MBD5: variants seen among roughly 807,000 people sequenced by gnomAD.
The protein encoded by MBD5 is methyl-CpG binding domain protein 5.
A neutral mutation model predicts 117.3 loss-of-function variants in MBD5; 13 were observed. The observed-to-expected ratio is 0.11, with a 90% CI of 0.07 to 0.18. The LOEUF is 0.18. MBD5 is among the 10% of genes least tolerant of loss of function. MBD5 has a pLI of 1.00. For missense variants in MBD5, 1,879 were observed against 2,093.8 expected (o/e 0.90, Z 2.00); for synonymous variants, 727 against 766.4 (o/e 0.95, Z 0.85).
intron 3 of MBD5, among the ~76,000 whole-genome samples, chr2:148,327,985 C>G (rs10175024): frequency 0.27 from 40,962 of 150,052 alleles, 5,814 homozygotes; most frequent in African/African-American, 0.31. Flanking sequence ...TCTACTTTTG[C>G]TCTTTGATGA....
intron 2 of MBD5, among the ~76,000 whole-genome samples, chr2:148,217,877 T>C (rs1428483132): frequency 6.6e-6 from 1 of 152,124 alleles, no homozygotes; most frequent in Non-Finnish European, 1.5e-5. Context: ...ACCCTTCTTT[T>C]CAAGGGCCAG....
intron 1 of MBD5, among the ~76,000 whole-genome samples, chr2:148,123,072 C>T (rs542379958): frequency 3.1e-4 from 47 of 152,318 alleles, no homozygotes; most frequent in African/African-American, 9.9e-4. Flanking sequence ...AAGTGCTGCT[C>T]TTCCTATCTT....
At chr2:148,219,384 T>G (rs1699631210) in intron 2 of MBD5, among the ~76,000 whole-genome samples, 2 of 152,132 alleles carry the variant, frequency 1.3e-5, no homozygotes, top group South Asian at 4.1e-4. Context: ...TTAACTTTTT[T>G]TTTTAATAAG....
At chr2:148,233,995 C>G (rs1483058331) in intron 3 of MBD5, among the ~76,000 whole-genome samples, 2 of 152,104 alleles carry the variant, frequency 1.3e-5, no homozygotes, top group African/African-American at 4.8e-5. Flanking sequence ...CAAAGAGCAT[C>G]TGGGCAAGGA....
At chr2:148,470,593 T>A in intron 8 of MBD5, 132 bp downstream of exon 8, 1 of 745,176 alleles carries the variant, frequency 1.3e-6, no homozygotes, top group Non-Finnish European at 2.1e-6. Context: ...ATTTCTTTAG[T>A]ATTTATAATT....
intron 1 of MBD5, among the ~76,000 whole-genome samples, chr2:148,139,701 C>T (rs1421154946): frequency 6.6e-6 from 1 of 152,046 alleles, no homozygotes; most frequent in Non-Finnish European, 1.5e-5. Context: ...ACCTTTCTTC[C>T]CAGGATGACT....
At chr2:148,291,669 T>A (rs1416928187) in intron 3 of MBD5, among the ~76,000 whole-genome samples, 1 of 152,166 alleles carries the variant, frequency 6.6e-6, no homozygotes, top group African/African-American at 2.4e-5. Flanking sequence ...ATCAGTGTAA[T>A]GCCTATCAAA....
In MBD5 at chr2:148,366,139, G is replaced by A. The variant is rs548334419; in HGVS notation, c.-557+23803G>A. Among the ~76,000 whole-genome samples the A allele has an allele frequency of 5.9e-5, 9 of 152,168 alleles. No individual in the cohort carries two copies. The East Asian group carries it at 1.2e-3, about 20-fold the overall frequency. ...AAAGCTCATCCACCATGATCGAGTC[G>A]ACTTCATACCTGGGATGCAAGCCTG... On this transcript the variant is annotated intron_variant, in intron 4 of 13. Coordinates refer to ENST00000642680, the MANE Select transcript of MBD5 (RefSeq NM_001378120.1).
At chr2:148,203,052 C>T (rs1217054250) in intron 2 of MBD5, among the ~76,000 whole-genome samples, 3 of 149,470 alleles carry the variant, frequency 2.0e-5, no homozygotes, top group Admixed American at 6.7e-5. Context: ...TTGCACTGAG[C>T]CAAGATCGCG....
intron 4 of MBD5, among the ~76,000 whole-genome samples, chr2:148,365,550 G>T (rs181382117): frequency 3.9e-3 from 586 of 152,098 alleles, no homozygotes; most frequent in Non-Finnish European, 6.6e-3. Flanking sequence ...CTGATTTTTT[G>T]AAAAGATTAA....
At chr2:148,366,321 G>A (rs777427867) in intron 4 of MBD5, among the ~76,000 whole-genome samples, 147 of 61,540 alleles carry the variant, frequency 2.4e-3, no homozygotes, top group Non-Finnish European at 3.7e-3. Context: ...TTGATGGAAC[G>A]TATCTCAAAA....
At chr2:148,161,777 A>G (rs1002141108) in intron 1 of MBD5, among the ~76,000 whole-genome samples, 5 of 152,188 alleles carry the variant, frequency 3.3e-5, no homozygotes, top group African/African-American at 1.2e-4. Flanking sequence ...GTCTTCTAGT[A>G]TCCTGATACC....
intron 3 of MBD5, among the ~76,000 whole-genome samples, chr2:148,237,289 A>G (rs1574175917): frequency 6.6e-6 from 1 of 152,302 alleles, no homozygotes; most frequent in East Asian, 1.9e-4. Context: ...TGGGCGCAAG[A>G]TGCCTGGCTT....
intron 2 of MBD5, among the ~76,000 whole-genome samples, chr2:148,179,575 C>T (rs16828385): frequency 0.012 from 1,870 of 152,180 alleles, 45 homozygotes; most frequent in African/African-American, 0.043. Context: ...GAATACAAAC[C>T]TCTTTTCATT....
rs573024677 is a variant in MBD5 at position 148,336,557 on chromosome 2, T to C, written c.-679-5657T>C. ...ATGCACCACCACACGCGGCAAATTTTTGTATTTTTGGTAGAGATGGGGTTT... is the reference window on the plus strand; with the variant it reads ...ATGCACCACCACACGCGGCAAATTTCTGTATTTTTGGTAGAGATGGGGTTT... On this transcript the variant is annotated intron_variant, in intron 3 of 13. Coordinates refer to ENST00000642680, the MANE Select transcript of MBD5 (RefSeq NM_001378120.1). Among the ~76,000 whole-genome samples, 11 of 152,176 alleles carry C rather than the reference T, an allele frequency of 7.2e-5. No individual in the cohort carries two copies. In the East Asian group the frequency reaches 1.5e-3, roughly 21 times the overall value.
chr2:148,066,615 G>C (rs995582355), intron 1 of MBD5, among the ~76,000 whole-genome samples: 1 of 151,564 alleles, frequency 6.6e-6, no homozygotes, highest in Non-Finnish European at 1.5e-5. Flanking sequence ...ATAGCTGGGA[G>C]TATAGGTGCA....
intron 2 of MBD5, among the ~76,000 whole-genome samples, chr2:148,189,091 G>A (rs1361961062): frequency 7.0e-6 from 1 of 143,688 alleles, no homozygotes; most frequent in Non-Finnish European, 1.5e-5. Context: ...TCCCACACCT[G>A]GCTCAGAGGG....
At chr2:148,075,187 T>G (rs6730641) in intron 1 of MBD5, among the ~76,000 whole-genome samples, 63,054 of 152,016 alleles carry the variant, frequency 0.41, 13,298 homozygotes, top group Middle Eastern at 0.54. Flanking sequence ...AAGAGGGGTC[T>G]ACATGTCAGA....
intron 8 of MBD5, among the ~76,000 whole-genome samples, chr2:148,480,239 T>A (rs936811487): frequency 6.6e-6 from 1 of 152,142 alleles, no homozygotes; most frequent in African/African-American, 2.4e-5. Context: ...TATCTATACT[T>A]CGCTTCTTCT....
Sources: allele counts gnomAD v4.1 joint callset (sites outside exome capture counted in the v4.1 genomes callset), GRCh38; gene constraint gnomAD v4.1.1; transcripts MANE v1.5; gene names NCBI Gene and HGNC (gene_info 2026-07-23, HGNC 2026-07-21).